GLIS3: variants seen among roughly 807,000 people sequenced by gnomAD.
GLIS3 encodes the protein GLIS family zinc finger 3.
A neutral mutation model predicts 78.6 loss-of-function variants in GLIS3; 53 were observed. The observed-to-expected ratio is 0.67, with a 90% CI of 0.54 to 0.85. The LOEUF (loss-of-function observed/expected upper bound fraction) is 0.85, where lower values mean the gene tolerates loss of function less well. Among genes scored for constraint, GLIS3 ranks in the 40% least tolerant of loss-of-function variants. The pLI, the probability that GLIS3 is intolerant of heterozygous loss-of-function variation, is 0.00. For synonymous variants in GLIS3, 684 were observed against 509.9 expected, an observed-to-expected ratio of 1.34 and a Z score of -4.60; for missense variants, 1,703 against 1,231.1, an observed-to-expected ratio of 1.38 and a Z score of -5.74.
chr9:3,989,749 A>G (rs1384949957), intron 4 of GLIS3, among the ~76,000 whole-genome samples: 1 of 152,230 alleles, frequency 6.6e-6, no homozygotes, highest in African/African-American at 2.4e-5. Flanking sequence ...AAGTAGGTGG[A>G]TGTATTTATT....
chr9:3,971,254 T>A (rs1255386799), intron 4 of GLIS3, among the ~76,000 whole-genome samples: 1 of 152,140 alleles, frequency 6.6e-6, no homozygotes, highest in Non-Finnish European at 1.5e-5. Context: ...CCTGTCCACA[T>A]GAAGACACTA....
At position 4,000,080 on chromosome 9, in the gene GLIS3, A is replaced by G. The variant is rs1406680864; in HGVS notation, c.1711-62891T>C. ...TAAGAAAAAGCTTGAAAAAATCCAA[A>G]TATCCATGATGGTTAAATGAATAAT... On this transcript the variant is annotated intron_variant, in intron 4 of 10. Transcript: ENST00000381971. Among the ~76,000 whole-genome samples the G allele has an allele frequency of 2.6e-5, 4 of 152,194 alleles. No homozygotes were observed. In the East Asian group the frequency reaches 7.7e-4, roughly 29 times the overall value.
intron 2 of GLIS3, among the ~76,000 whole-genome samples, chr9:4,218,646 T>C (rs1821064368): frequency 6.6e-6 from 1 of 152,228 alleles, no homozygotes; most frequent in Admixed American, 6.5e-5. Context: ...CACCCACATG[T>C]TCCTATGGAG....
chr9:4,422,470 A>G, the GLIS3 span, among the ~76,000 whole-genome samples: 4 of 152,254 alleles, frequency 2.6e-5, no homozygotes, highest in African/African-American at 9.6e-5. Flanking sequence ...ATTTGGGGTT[A>G]GTGGGCTACC....
At position 3,972,989 on chromosome 9, in the gene GLIS3, G is replaced by A. The variant is rs577662637; in HGVS notation, c.1711-35800C>T. On this transcript the variant is annotated intron_variant, in intron 4 of 10. Coordinates refer to ENST00000381971, the MANE Select transcript of GLIS3 (RefSeq NM_001042413.2). ...TCCACATTTCTGACACCACCTGTAA[G>A]TCTATGGTGGTGGGGGGTTCCTCAA... Among the ~76,000 whole-genome samples the A allele has an allele frequency of 4.6e-5, 7 of 152,238 alleles. No individual in the cohort carries two copies. In the East Asian group the frequency reaches 1.4e-3, roughly 29 times the overall value.
chr9:4,050,596 T>A lies in GLIS3; in HGVS notation c.1710+67172A>T, dbSNP rs1287970859. Among the ~76,000 whole-genome samples the A allele has an allele frequency of 2.6e-5, 4 of 152,096 alleles. No homozygotes were observed. In the East Asian group the frequency reaches 5.8e-4, roughly 22 times the overall value. ...ATGTACTCTAGAACTTAAAGTATAA[T>A]AATAAAAATAAAAGTAATTTTAAAA... On this transcript the variant is annotated intron_variant, in intron 4 of 10. Coordinates refer to ENST00000381971, the MANE Select transcript of GLIS3 (RefSeq NM_001042413.2).
chr9:3,909,039 C>T (rs12685989), intron 6 of GLIS3, among the ~76,000 whole-genome samples: 18,539 of 152,182 alleles, frequency 0.12, 1,277 homozygotes, highest in South Asian at 0.28. Context: ...CATGTTTATG[C>T]ATCACCTTGT....
At chr9:4,049,969 G>C (rs1436716463) in intron 4 of GLIS3, among the ~76,000 whole-genome samples, 2 of 152,128 alleles carry the variant, frequency 1.3e-5, no homozygotes, top group Admixed American at 1.3e-4. Context: ...AGAGGATGTG[G>C]AGAAATAGGA....
chr9:3,891,383 G>A (rs1822434367), intron 7 of GLIS3, among the ~76,000 whole-genome samples: 1 of 152,130 alleles, frequency 6.6e-6, no homozygotes, highest in Non-Finnish European at 1.5e-5. Context: ...CACAGGGATT[G>A]TACAAAACGT....
chr9:4,201,234 A>G (rs1819363256), intron 2 of GLIS3, among the ~76,000 whole-genome samples: 2 of 152,222 alleles, frequency 1.3e-5, no homozygotes, highest in African/African-American at 4.8e-5. Flanking sequence ...ATCATACTAA[A>G]CAGACAAAAC....
At chr9:4,161,042 G>A (rs1433189287) in intron 2 of GLIS3, among the ~76,000 whole-genome samples, 1 of 141,768 alleles carries the variant, frequency 7.1e-6, no homozygotes, top group Non-Finnish European at 1.5e-5. Flanking sequence ...CCAGGAGTTC[G>A]AAATCAGCCT....
intron 6 of GLIS3, among the ~76,000 whole-genome samples, chr9:3,902,030 C>T (rs951132343): frequency 2.0e-5 from 3 of 152,176 alleles, no homozygotes; most frequent in Admixed American, 6.5e-5. Flanking sequence ...TATAGTTACC[C>T]GTACCAACGA....
At chr9:3,886,057 T>C (rs1222996648) in intron 7 of GLIS3, among the ~76,000 whole-genome samples, 1 of 152,216 alleles carries the variant, frequency 6.6e-6, no homozygotes, top group Non-Finnish European at 1.5e-5. Flanking sequence ...GAAACCACTG[T>C]TGCTATTATT....
intron 4 of GLIS3, among the ~76,000 whole-genome samples, chr9:4,000,948 T>G (rs1291634972): frequency 6.6e-6 from 1 of 152,226 alleles, no homozygotes; most frequent in Non-Finnish European, 1.5e-5. Context: ...CAAAGCTATA[T>G]GCCAATTTTT....
At position 4,118,983 on chromosome 9, in the gene GLIS3, G is replaced by A. The variant is rs2130884472; in HGVS notation, c.597-102C>T. 1 of 1,226,124 alleles carries A rather than the reference G, an allele frequency of 8.2e-7. No individual in the cohort carries two copies. The highest frequency in any genetic ancestry group is 1.2e-6 in the Non-Finnish European group (1 of 867,794). 76.0% of individuals were successfully genotyped at this position (1,226,124 alleles called of 1,614,324 possible). A position where few individuals can be genotyped will look rare whatever the true frequency, so the allele number is the denominator to read the frequency against. On this transcript the variant is annotated intron_variant, in intron 3 of 10. Transcript: ENST00000381971. This position sits in a 1 kb window ranked among gnomAD's most constrained non-coding sequence, Gnocchi z 4.7. The stretch of plus-strand genomic sequence containing the variant: ...GAACACTGCATTGACAATCCCTTAA[G>A]TATTTCCCCTAATTACATTCTGTGC...
intron 6 of GLIS3, among the ~76,000 whole-genome samples, chr9:3,904,278 G>A (rs545532016): frequency 6.6e-6 from 1 of 152,140 alleles, no homozygotes; most frequent in Non-Finnish European, 1.5e-5. Flanking sequence ...TACAATCTGG[G>A]CAAGACTCAT....
At chr9:4,323,088 G>C (rs1817561785) in intron 2 of GLIS3, among the ~76,000 whole-genome samples, 1 of 152,134 alleles carries the variant, frequency 6.6e-6, no homozygotes, top group African/African-American at 2.4e-5. Flanking sequence ...ATTAATTTTT[G>C]TATAAGGTGT....
chr9:3,940,405 G>C (rs1815792738), intron 4 of GLIS3, among the ~76,000 whole-genome samples: 1 of 152,076 alleles, frequency 6.6e-6, no homozygotes. Flanking sequence ...TCTCATCGAG[G>C]TTCCTAAAGT....
chr9:4,050,417 GC>G (rs1299150883), intron 4 of GLIS3, among the ~76,000 whole-genome samples: 14 of 152,110 alleles, frequency 9.2e-5, no homozygotes, highest in African/African-American at 3.4e-4. Flanking sequence ...TGTACACAGG[GC>G]GGGGAACATC....
Sources: allele counts gnomAD v4.1 joint callset (sites outside exome capture counted in the v4.1 genomes callset), GRCh38; gene constraint gnomAD v4.1.1; non-coding constraint Gnocchi (gnomAD v3.1); transcripts MANE v1.5; gene names NCBI Gene and HGNC (gene_info 2026-07-23, HGNC 2026-07-21).